ADGRA2: variants seen among roughly 807,000 people sequenced by gnomAD.
ADGRA2 encodes the protein adhesion G protein-coupled receptor A2.
Under a neutral mutation model 98.7 loss-of-function variants are expected in ADGRA2, and 61 were observed. The ratio of observed to expected loss-of-function variants is 0.62; its 90% CI spans 0.50 to 0.76. The LOEUF (loss-of-function observed/expected upper bound fraction) is 0.76. Ranked by LOEUF, ADGRA2 falls within the 30% of genes least tolerant of loss-of-function variation. ADGRA2 has a pLI of 0.00. For synonymous variants in ADGRA2, 858 were observed against 831.5 expected (o/e 1.03, Z -0.55); for missense variants, 1,712 against 1,860.0 (o/e 0.92, Z 1.46).
chr8:37,811,192 G>A (rs547454208), intron 1 of ADGRA2, among the ~76,000 whole-genome samples: 19 of 116,906 alleles, frequency 1.6e-4, no homozygotes, highest in Middle Eastern at 0.011. Context: ...TTTTTGAGAC[G>A]GAGTTTCACT....
At chr8:37,835,833 T>G in intron 13 of ADGRA2, 63 bp downstream of exon 13, 1 of 1,018,388 alleles carries the variant, frequency 9.8e-7, no homozygotes, top group Non-Finnish European at 1.5e-6. Context: ...TGTTCCCCTT[T>G]ATCCTGCCCT....
chr8:37,841,823 C>A lies in ADGRA2; in HGVS notation c.3485C>A (p.Ala1162Glu), dbSNP rs1257884306. The A allele has an allele frequency of 6.5e-7, 1 of 1,529,886 alleles. No individual in the cohort carries two copies. Among genetic ancestry groups the A allele is most frequent in the South Asian group, 1.2e-5 (1 of 83,516 alleles). The allele number at this position is 1,529,886 out of a possible 1,614,324, so 94.8% of individuals were successfully genotyped here. A position where few individuals can be genotyped will look rare whatever the true frequency, so the allele number is the denominator to read the frequency against. Reference protein sequence around the residue: ...AAGGEGEPEPAGTRGNLAHRH... With the variant: ...AAGGEGEPEPEGTRGNLAHRH... ...GGCGGGGAAGGAGAGCCGGAGCCGG[C>A]GGGCACCCGGGGAAACCTCGCCCAC... The change falls in exon 19 of 19, where the codon GCG becomes GAG. Residue 1162 changes from alanine (A) to glutamate (E), a missense_variant. Ala to Glu is a moderately radical substitution (Grantham distance 107, BLOSUM62 -1). Coordinates refer to ENST00000412232, the MANE Select transcript of ADGRA2 (RefSeq NM_032777.10). The surrounding 1 kb of genome is among the most constrained non-coding windows in gnomAD (Gnocchi z 5.0).
intron 2 of ADGRA2, among the ~76,000 whole-genome samples, chr8:37,822,536 G>T (rs1805157467): frequency 6.6e-6 from 1 of 152,096 alleles, no homozygotes; most frequent in African/African-American, 2.4e-5. Context: ...TTACAGAATT[G>T]TGTAATCACC....
At position 37,842,729 on chromosome 8, in the gene ADGRA2, C is replaced by T. The variant is rs1479255639; in HGVS notation, c.*374C>T. 4.9e-6 allele frequency: 1 copy of T among 202,308 alleles called. No individual in the cohort carries two copies. The highest frequency in any genetic ancestry group is 1.1e-4 in the East Asian group (1 of 8,744). 12.5% of individuals were successfully genotyped at this position (202,308 alleles called of 1,614,324 possible). On this transcript the variant is annotated 3_prime_UTR_variant, in exon 19 of 19. Transcript: ENST00000412232. ...GGGGCCATCAGCCTCACCAGCAAAG[C>T]AGAGATGAGAGCGTGGGAACTGTGT...
chr8:37,835,705 GC>G lies in ADGRA2; in HGVS notation c.1988del (p.Pro663LeufsTer29). 1 of 1,613,850 alleles carries G rather than the reference GC, an allele frequency of 6.2e-7. No homozygotes were observed. The highest frequency in any genetic ancestry group is 8.5e-7 in the Non-Finnish European group (1 of 1,179,950). ...TTCCACAGCCACAGCAACACCTCCC[GC>G]CCTGGAGCTGCTGGGCCTGGCAAGA... The part of the protein sequence containing the change: ...RLFHSHSNTS[R>X]PGAAGPGKRR... On this transcript the variant is annotated frameshift_variant, in exon 13 of 19. Coordinates refer to ENST00000412232, the MANE Select transcript of ADGRA2 (RefSeq NM_032777.10). LOFTEE classifies it high-confidence loss of function.
At chr8:37,805,461 G>T (rs879343056) in intron 1 of ADGRA2, among the ~76,000 whole-genome samples, 1 of 152,154 alleles carries the variant, frequency 6.6e-6, no homozygotes, top group Middle Eastern at 3.2e-3. Flanking sequence ...TCTGCGCCGC[G>T]TGTGTTGGCC....
intron 2 of ADGRA2, among the ~76,000 whole-genome samples, chr8:37,827,409 G>A (rs569025837): frequency 6.6e-6 from 1 of 152,368 alleles, no homozygotes; most frequent in African/African-American, 2.4e-5. Context: ...CAGGTCGCCT[G>A]TGGGTGGGCA....
At chr8:37,822,621 C>T (rs1805159090) in intron 2 of ADGRA2, among the ~76,000 whole-genome samples, 1 of 152,170 alleles carries the variant, frequency 6.6e-6, no homozygotes, top group African/African-American at 2.4e-5. Context: ...CTCATTCCTC[C>T]ACCCCCTCTT....
In ADGRA2 at chr8:37,840,753, C is replaced by T. The variant is rs982563476; in HGVS notation, c.2658-7C>T. 8 of 1,533,732 alleles carry T rather than the reference C, an allele frequency of 5.2e-6. No homozygotes were observed. The Admixed American group carries it at 1.0e-4, about 19-fold the overall frequency. ...CTCTGGGACCCCCAATCCCTCATTC[C>T]CTCCAGGTTCTATTTGATCGCTGGA... On this transcript the variant is annotated splice_polypyrimidine_tract_variant and splice_region_variant and intron_variant, in intron 17 of 18. Coordinates refer to ENST00000412232, the MANE Select transcript of ADGRA2 (RefSeq NM_032777.10).
rs369548076 is a variant in ADGRA2 at position 37,840,818 on chromosome 8, A to G, written c.2716A>G (p.Asn906Asp). 1.9e-6 allele frequency: 3 copies of G among 1,608,272 alleles called. No homozygotes were observed. The African/African-American group carries it at 4.0e-5, about 22-fold the overall frequency. Reference protein sequence around the residue: ...LIICGITAAVNIHNYRDHSPY... With the variant: ...LIICGITAAVDIHNYRDHSPY... ...TATCTGTGGCATCACAGCTGCAGTC[A>G]ACATCCACAACTACCGGGACCACAG... Residue 906 changes from asparagine (N) to aspartate (D), a missense_variant, in exon 18 of 19, where the codon AAC becomes GAC. Asn to Asp is a conservative substitution (Grantham distance 23). Coordinates refer to ENST00000412232, the MANE Select transcript of ADGRA2 (RefSeq NM_032777.10).
In ADGRA2 at chr8:37,835,377, T is replaced by C; in HGVS notation, c.1812T>C (p.Ser604=). The C allele has an allele frequency of 6.2e-7, 1 of 1,611,144 alleles. No individual in the cohort carries two copies. The highest frequency in any genetic ancestry group is 8.5e-7 in the Non-Finnish European group (1 of 1,179,694). ...FRCTTGRPNV[S]LSSFHIKNSV... ...GCACCACCGGGAGGCCCAATGTTTC[T>C]CTGTCGTCCTTCCACATCAAGGTGG... The change falls in exon 12 of 19, where the codon TCT becomes TCC. Residue 604 remains serine, a synonymous_variant. Transcript: ENST00000412232.
In ADGRA2 at chr8:37,825,622, G is replaced by A. The variant is rs1031409376; in HGVS notation, c.339-3266G>A. Among the ~76,000 whole-genome samples the A allele has an allele frequency of 4.6e-5, 7 of 151,968 alleles. No individual in the cohort carries two copies. The East Asian group carries it at 7.7e-4, about 17-fold the overall frequency. On this transcript the variant is annotated intron_variant, in intron 2 of 18. Transcript: ENST00000412232. ...GTGATGGGTGTAGTGAGTTTTTCTC[G>A]GGCAGAAGTTCATGGCCTTCGTAGA...
rs568840424 is a variant in ADGRA2, at chr8:37,826,782, T to A, written c.339-2106T>A. Reference sequence around the variant, plus strand: ...CCTCCTGCCCAGTAATCCAGAGACGTTGATGAGGTTGTGGTGGGCAGGGCC... The same window carrying A: ...CCTCCTGCCCAGTAATCCAGAGACGATGATGAGGTTGTGGTGGGCAGGGCC... On this transcript the variant is annotated intron_variant, in intron 2 of 18. Coordinates refer to ENST00000412232, the MANE Select transcript of ADGRA2 (RefSeq NM_032777.10). Among the ~76,000 whole-genome samples the A allele has an allele frequency of 1.3e-3, 193 of 152,246 alleles. 2 individuals carry two copies. The highest frequency in any genetic ancestry group is 4.4e-3 in the African/African-American group (184 of 41,564).
chr8:37,807,815 A>AGC (rs1804721625), intron 1 of ADGRA2, among the ~76,000 whole-genome samples: 3 of 152,184 alleles, frequency 2.0e-5, no homozygotes, highest in Non-Finnish European at 2.9e-5. Flanking sequence ...CCTAGGGAGT[A>AGC]TGGATATCCC....
chr8:37,828,983 C>A, intron 3 of ADGRA2, 24 bp downstream of exon 3: 1 of 1,495,318 alleles, frequency 6.7e-7, no homozygotes, highest in Admixed American at 2.1e-5. Context: ...CCTCCCCTGA[C>A]CCCACCCCTC....
Position 37,842,434 on chromosome 8 carries a change from G to A in ADGRA2, c.*79G>A, listed in dbSNP as rs1177011145. The A allele has an allele frequency of 1.4e-6, 2 of 1,392,932 alleles. No homozygotes were observed. Among genetic ancestry groups the A allele is most frequent in the Non-Finnish European group, 9.3e-7 (1 of 1,073,786 alleles). 86.3% of individuals were successfully genotyped at this position (1,392,932 alleles called of 1,614,324 possible). A position where few individuals can be genotyped will look rare whatever the true frequency, so the allele number is the denominator to read the frequency against. On this transcript the variant is annotated 3_prime_UTR_variant, in exon 19 of 19. Transcript: ENST00000412232. ...CCTCGGGGCCCTCCAAGGTGTCTCC[G>A]TAGTCAGCAGGTTGGAGGCAGAGGA...
intron 2 of ADGRA2, among the ~76,000 whole-genome samples, chr8:37,823,209 TGACA>T (rs1219112933): frequency 2.2e-5 from 3 of 138,354 alleles, no homozygotes; most frequent in Non-Finnish European, 4.7e-5. Context: ...TTTTTTTTTT[TGACA>T]GACAGGGTCT....
rs1489478829 is a variant in ADGRA2 at position 37,839,148 on chromosome 8, C to A, written c.2387+65C>A. 1.0e-5 allele frequency: 16 copies of A among 1,579,334 alleles called. No homozygotes were observed. In the African/African-American group the frequency reaches 1.5e-4, roughly 15 times the overall value. On this transcript the variant is annotated intron_variant, in intron 15 of 18. Transcript: ENST00000412232. ...ATGGAAGGGGCCCCTACCCTGTCCACTTCCCGTCCTATGCTCCGGTACATA... is the reference window on the plus strand; with the variant it reads ...ATGGAAGGGGCCCCTACCCTGTCCAATTCCCGTCCTATGCTCCGGTACATA...
At position 37,839,089 on chromosome 8, in the gene ADGRA2, TG is replaced by T; in HGVS notation, c.2387+7del. On this transcript the variant is annotated splice_region_variant and intron_variant, in intron 15 of 18. Coordinates refer to ENST00000412232, the MANE Select transcript of ADGRA2 (RefSeq NM_032777.10). ...ACCTACATCCTCAACCACAGGTGGG[TG>T]CTCCTGCAGGAGGGAGGGCGTGGTG... The T allele has an allele frequency of 6.2e-7, 1 of 1,607,156 alleles. No individual in the cohort carries two copies. Among genetic ancestry groups the T allele is most frequent in the Non-Finnish European group, 8.5e-7 (1 of 1,176,686 alleles).
Sources: gnomAD v4.1 joint callset for allele counts (sites outside exome capture counted in the v4.1 genomes callset) on GRCh38, gnomAD v4.1.1 for gene constraint, Gnocchi (gnomAD v3.1) non-coding constraint, MANE v1.5 for transcripts, NCBI Gene and HGNC (gene_info 2026-07-23, HGNC 2026-07-21) for gene names.